TBKBP1: variants seen among roughly 807,000 people sequenced by gnomAD.
The protein encoded by TBKBP1 is TBK1 binding protein 1, also known as TANK-binding kinase 1-binding protein 1.
In TBKBP1, 47 loss-of-function variants were observed where a neutral mutation model predicts 69.9. The ratio of observed to expected loss-of-function variants is 0.67; its 90% confidence interval spans 0.53 to 0.86. TBKBP1 has a LOEUF of 0.86. TBKBP1 is among the 40% of genes least tolerant of loss of function. TBKBP1 has a pLI of 0.00. For synonymous variants in TBKBP1, 418 were observed against 390.3 expected, an observed-to-expected ratio of 1.07 and a Z score of -0.84; for missense variants, 831 against 858.6, an observed-to-expected ratio of 0.97 and a Z score of 0.40.
rs117552358 is a variant in TBKBP1 at position 47,706,366 on chromosome 17, A to T, written c.873-2028A>T. On this transcript the variant is annotated intron_variant, in intron 7 of 9. Transcript: ENST00000578982. ...GAAGCCTTCCCTTGGGGAGTCCCCA[A>T]TTTGACGTGGGACACACCTGGACCT... is the stretch of plus-strand genomic sequence containing the variant. 1.6e-3 allele frequency among the ~76,000 whole-genome samples: 250 copies of T among 152,282 alleles called. 1 individual carries two copies. The highest frequency in any genetic ancestry group is 2.8e-3 in the Admixed American group (43 of 15,306).
At chr17:47,709,916 C>G (rs1484080923) in intron 9 of TBKBP1, among the ~76,000 whole-genome samples, 2 of 152,238 alleles carry the variant, frequency 1.3e-5, no homozygotes, top group African/African-American at 2.4e-5. Context: ...ATTATATTGG[C>G]TGTGGTGATG....
In TBKBP1 at chr17:47,708,097, G is replaced by A. The variant is rs1198946320; in HGVS notation, c.873-297G>A. Among the ~76,000 whole-genome samples, 3 of 152,228 alleles carry A rather than the reference G, an allele frequency of 2.0e-5. No individual in the cohort carries two copies. Among genetic ancestry groups the A allele is most frequent in the African/African-American group, 7.2e-5 (3 of 41,466 alleles). ...GTTCAGACCACGGACAGTGCCTGAT[G>A]CAGGGATTCAGGGAGCCCTTGGAAT... On this transcript the variant is annotated intron_variant, in intron 7 of 9. Transcript: ENST00000578982. This position sits in a 1 kb window ranked among gnomAD's most constrained non-coding sequence, Gnocchi z 4.4.
intron 3 of TBKBP1, 102 bp downstream of exon 3, chr17:47,696,935 T>C (rs2031271645): frequency 1.3e-6 from 2 of 1,544,692 alleles, no homozygotes; most frequent in Non-Finnish European, 8.7e-7. Context: ...TGCCCTTTGA[T>C]TAGAGATGGC....
At position 47,708,487 on chromosome 17, in the gene TBKBP1, G is replaced by T. The variant is rs1357594346; in HGVS notation, c.966G>T (p.Leu322=). 1 of 1,613,796 alleles carries T rather than the reference G, an allele frequency of 6.2e-7. No homozygotes were observed. The highest frequency in any genetic ancestry group is 1.3e-5 in the African/African-American group (1 of 74,922). ...TACAGGGGAGAATCTTGAGGACTCT[G>T]TTGCAGGAACAGGCCCGGAGTGGCG... is the stretch of plus-strand genomic sequence containing the variant. ...SSLQGRILRT[L]LQEQARSGGQ... is the part of the protein sequence containing the mutation. The change falls in exon 8 of 10, where the codon CTG becomes CTT. Residue 322 remains leucine, a synonymous_variant. Transcript: ENST00000578982. The surrounding 1 kb of genome is among the most constrained non-coding windows in gnomAD (Gnocchi z 4.4).
At position 47,708,773 on chromosome 17, in the gene TBKBP1, GCCCCTCCCCCT is replaced by G; in HGVS notation, c.1045_1055del (p.Ser349AlafsTer112). On this transcript the variant is annotated frameshift_variant, in exon 9 of 10. Transcript: ENST00000578982. LOFTEE classifies it high-confidence loss of function. The surrounding 1 kb of genome is among the most constrained non-coding windows in gnomAD (Gnocchi z 4.4). ...CAACGCCACTCCCCGGCCCCCCAGTGCCCCTCCCCCTCCCCGCCTGCCCGAGCGGCTCCCCC... is the reference window on the plus strand; with the variant it reads ...CAACGCCACTCCCCGGCCCCCCAGTGCCCCGCCTGCCCGAGCGGCTCCCCC... The G allele has an allele frequency of 3.4e-6, 3 of 881,982 alleles. No individual in the cohort carries two copies. Among genetic ancestry groups the G allele is most frequent in the Non-Finnish European group, 4.9e-6 (3 of 612,608 alleles). The allele number at this position is 881,982 out of a possible 1,614,324, so 54.6% of individuals were successfully genotyped here.
chr17:47,696,268 G>A lies in TBKBP1; in HGVS notation c.156G>A (p.Lys52=), dbSNP rs2031235105. ...FALITAYGDI[K]ERLGGLEREN... is the part of the protein sequence containing the mutation. ...TCATCACTGCTTACGGAGACATCAAGGAACGGCTGGGGGGCCTGGAGAGGG... is the reference window on the plus strand; with the variant it reads ...TCATCACTGCTTACGGAGACATCAAAGAACGGCTGGGGGGCCTGGAGAGGG... The change falls in exon 2 of 10, where the codon AAG becomes AAA. Residue 52 remains lysine, a synonymous_variant. Coordinates refer to ENST00000578982, the MANE Select transcript of TBKBP1 (RefSeq NM_001394755.1). The A allele has an allele frequency of 1.2e-6, 2 of 1,613,698 alleles. No homozygotes were observed. Among genetic ancestry groups the A allele is most frequent in the Non-Finnish European group, 1.7e-6 (2 of 1,179,874 alleles).
chr17:47,694,483 CGA>C (rs1325304211), intron 1 of TBKBP1: 1 of 152,004 alleles, frequency 6.6e-6, no homozygotes, highest in Non-Finnish European at 1.5e-5. Flanking sequence ...TCTCGGCCCC[CGA>C]GAGGGGAGGG....
rs367892556 is a variant in TBKBP1, at chr17:47,696,314, C to G, written c.202C>G (p.Arg68Gly). Residue 68 changes from arginine to glycine, a missense_variant, in exon 2 of 10, where the codon CGC becomes GGC. Transcript: ENST00000578982. ...LERENATLRR[R>G]LKVYEIKYPL... Reference sequence around the variant, plus strand: ...GAGGGAGAACGCCACCCTCCGACGCCGCCTCAAAGTCTACGAGATCAAGGT... The same window carrying G: ...GAGGGAGAACGCCACCCTCCGACGCGGCCTCAAAGTCTACGAGATCAAGGT... 13 of 1,613,036 alleles carry G rather than the reference C, an allele frequency of 8.1e-6. No homozygotes were observed. Among genetic ancestry groups the G allele is most frequent in the East Asian group, 2.2e-5 (1 of 44,892 alleles).
At chr17:47,702,995 A>T (rs80214181) in intron 7 of TBKBP1, among the ~76,000 whole-genome samples, 6 of 25,942 alleles carry the variant, frequency 2.3e-4, no homozygotes, top group African/African-American at 7.8e-4. Flanking sequence ...CGGGGGGGGG[A>T]ACTTCTTGAA....
intron 9 of TBKBP1, among the ~76,000 whole-genome samples, chr17:47,709,859 C>T (rs752698725): frequency 3.9e-5 from 6 of 152,234 alleles, no homozygotes; most frequent in Non-Finnish European, 8.8e-5. Context: ...AAGAAGCAGG[C>T]AGTGAGCCTA....
At chr17:47,696,938 G>A (rs1359051859) in intron 3 of TBKBP1, 105 bp downstream of exon 3, 1 of 1,540,704 alleles carries the variant, frequency 6.5e-7, no homozygotes, top group East Asian at 2.3e-5. Context: ...CCTTTGATTA[G>A]AGATGGCCAG....
In TBKBP1 at chr17:47,708,777, C is replaced by A. The variant is rs1597969190; in HGVS notation, c.1044C>A (p.Pro348=). ...SQRHSPAPQC[P]SPSPPARAAP... is the part of the protein sequence containing the mutation. ...GCCACTCCCCGGCCCCCCAGTGCCC[C>A]TCCCCCTCCCCGCCTGCCCGAGCGG... Residue 348 remains proline, a synonymous_variant, in exon 9 of 10, where the codon CCC becomes CCA. Coordinates refer to ENST00000578982, the MANE Select transcript of TBKBP1 (RefSeq NM_001394755.1). This position sits in a 1 kb window ranked among gnomAD's most constrained non-coding sequence, Gnocchi z 4.4. The A allele has an allele frequency of 4.0e-6, 4 of 996,896 alleles. No individual in the cohort carries two copies. Among genetic ancestry groups the A allele is most frequent in the East Asian group, 2.7e-5 (1 of 37,302 alleles). The allele number at this position is 996,896 out of a possible 1,614,324, so 61.8% of individuals were successfully genotyped here. A position where few individuals can be genotyped will look rare whatever the true frequency, so the allele number is the denominator to read the frequency against.
At chr17:47,700,588 C>A (rs567161419) in intron 7 of TBKBP1, among the ~76,000 whole-genome samples, 23 of 152,136 alleles carry the variant, frequency 1.5e-4, no homozygotes, top group African/African-American at 4.6e-4. Flanking sequence ...GGTTCACCCT[C>A]CCCTCCCTAG....
chr17:47,698,615 C>T lies in TBKBP1; in HGVS notation c.474C>T (p.His158=). The stretch of plus-strand genomic sequence containing the variant: ...TCCAGAGGGCCCTGGTGGAGACGCA[C>T]CTGCGTCAGATCTGTGGTTTGGAGC... The part of the protein sequence containing the change: ...LREMRALVET[H]LRQICGLEQQ... Residue 158 remains histidine, a synonymous_variant, in exon 5 of 10, where the codon CAC becomes CAT. Coordinates refer to ENST00000578982, the MANE Select transcript of TBKBP1 (RefSeq NM_001394755.1). 5 of 1,596,584 alleles carry T rather than the reference C, an allele frequency of 3.1e-6. No homozygotes were observed. Among genetic ancestry groups the T allele is most frequent in the Non-Finnish European group, 4.3e-6 (5 of 1,171,698 alleles).
At chr17:47,706,240 T>TCC (rs1360897218) in intron 7 of TBKBP1, among the ~76,000 whole-genome samples, 1 of 152,026 alleles carries the variant, frequency 6.6e-6, no homozygotes, top group Non-Finnish European at 1.5e-5. Flanking sequence ...GCCCTCTCCT[T>TCC]CCCCTGCTGC....
In TBKBP1 at chr17:47,708,767, CCCAGTGCCCCT is replaced by C; in HGVS notation, c.1037_1047del (p.Gln346ProfsTer115). The C allele has an allele frequency of 8.9e-7, 1 of 1,129,604 alleles. No individual in the cohort carries two copies. The highest frequency in any genetic ancestry group is 1.2e-6 in the Non-Finnish European group (1 of 801,740). 70.0% of individuals were successfully genotyped at this position (1,129,604 alleles called of 1,614,324 possible). A position where few individuals can be genotyped will look rare whatever the true frequency, so the allele number is the denominator to read the frequency against. ...CTGTCACAACGCCACTCCCCGGCCC[CCCAGTGCCCCT>C]CCCCCTCCCCGCCTGCCCGAGCGGC... On this transcript the variant is annotated frameshift_variant, in exon 9 of 10. Coordinates refer to ENST00000578982, the MANE Select transcript of TBKBP1 (RefSeq NM_001394755.1). LOFTEE classifies it high-confidence loss of function. The surrounding 1 kb of genome is among the most constrained non-coding windows in gnomAD (Gnocchi z 4.4).
intron 1 of TBKBP1, 134 bp from the exon 2 acceptor site, chr17:47,695,945 C>A (rs546710234): frequency 4.2e-5 from 25 of 595,792 alleles, no homozygotes; most frequent in Non-Finnish European, 5.3e-5. Flanking sequence ...CCATGGGAGT[C>A]CCTGCTGAGC....
chr17:47,710,800 C>A lies in TBKBP1; in HGVS notation c.*174C>A. On this transcript the variant is annotated 3_prime_UTR_variant, in exon 10 of 10. Coordinates refer to ENST00000578982, the MANE Select transcript of TBKBP1 (RefSeq NM_001394755.1). ...CTTCCCTGGTCCAGGCACCACTCAG[C>A]TCTGGCTCTTCCTGGGAGGTCAGCC... 2.1e-6 allele frequency: 2 copies of A among 933,964 alleles called. No homozygotes were observed. Among genetic ancestry groups the A allele is most frequent in the Admixed American group, 2.7e-5 (1 of 36,998 alleles). The allele number at this position is 933,964 out of a possible 1,614,324, so 57.9% of individuals were successfully genotyped here. A position where few individuals can be genotyped will look rare whatever the true frequency, so the allele number is the denominator to read the frequency against.
At chr17:47,706,403 G>A (rs1385697064) in intron 7 of TBKBP1, among the ~76,000 whole-genome samples, 1 of 152,174 alleles carries the variant, frequency 6.6e-6, no homozygotes, top group Non-Finnish European at 1.5e-5. Context: ...CCAGTCTGAT[G>A]GGGGAGATGC....
Sources: allele counts gnomAD v4.1 joint callset (sites outside exome capture counted in the v4.1 genomes callset), GRCh38; gene constraint gnomAD v4.1.1; non-coding constraint Gnocchi (gnomAD v3.1); transcripts MANE v1.5; gene names NCBI Gene and HGNC (gene_info 2026-07-23, HGNC 2026-07-21).